Variants in TET3 observed in about 807,000 individuals in gnomAD.
TET3 encodes the protein methylcytosine dioxygenase TET3.
TET3 carries 19 observed loss-of-function variants against 141.4 expected under a neutral mutation model. The observed-to-expected ratio is 0.13, with a 90% confidence interval of 0.09 to 0.20. TET3 has a LOEUF of 0.20. Among genes scored for constraint, TET3 ranks in the 10% least tolerant of loss-of-function variants. The pLI, the probability that TET3 is intolerant of heterozygous loss-of-function variation, is 1.00. For missense variants in TET3, 1,874 were observed against 2,356.9 expected, an observed-to-expected ratio of 0.80 and a Z score of 4.24; for synonymous variants, 1,043 against 980.9, an observed-to-expected ratio of 1.06 and a Z score of -1.18.
chr2:74,109,763 G>T (rs769742697), downstream of TET3, among the ~76,000 whole-genome samples: 4 of 152,088 alleles, frequency 2.6e-5, no homozygotes, highest in African/African-American at 2.4e-5. Flanking sequence ...ATTCATATTG[G>T]GATCTCTAGA....
At chr2:74,042,898 CCTCATAT>C (rs1687414986) in intron 3 of TET3, among the ~76,000 whole-genome samples, 1 of 152,200 alleles carries the variant, frequency 6.6e-6, no homozygotes, top group Non-Finnish European at 1.5e-5. Context: ...GCTTCACTTA[CCTCATAT>C]CTACATCTAC....
chr2:74,101,431 G>A lies in TET3; in HGVS notation c.4643G>A (p.Gly1548Asp). The A allele has an allele frequency of 2.5e-6, 4 of 1,613,958 alleles. No individual in the cohort carries two copies. The highest frequency in any genetic ancestry group is 1.7e-4 in the Middle Eastern group (1 of 6,060). ...GAGDFNSALK[G>D]SPGFQDKLWN... ...GGGGATTTCAACTCGGCCCTGAAAG[G>A]TAGTCCTGGGTTCCAAGACAAGCTG... Residue 1548 changes from glycine to aspartate, a missense_variant, in exon 12 of 12, where the codon GGT becomes GAT. Physicochemically the swap from Gly to Asp is moderately conservative, Grantham distance 94. Coordinates refer to ENST00000409262, the MANE Select transcript of TET3 (RefSeq NM_001287491.2). The surrounding 1 kb of genome is among the most constrained non-coding windows in gnomAD (Gnocchi z 8.5).
chr2:74,092,857 C>G (rs1369150114), intron 8 of TET3, 45 bp from the exon 9 acceptor site: 10 of 1,519,508 alleles, frequency 6.6e-6, no homozygotes, highest in Non-Finnish European at 1.8e-6. Context: ...GCAGGGTCTG[C>G]CAGGCGGGGC....
intron 4 of TET3, among the ~76,000 whole-genome samples, chr2:74,050,045 G>T (rs909912966): frequency 6.6e-6 from 1 of 152,136 alleles, no homozygotes; most frequent in Non-Finnish European, 1.5e-5. Flanking sequence ...TGTCCCATCC[G>T]CCTGTGTTTA....
downstream of TET3, among the ~76,000 whole-genome samples, chr2:74,111,621 G>A (rs1691708188): frequency 6.6e-6 from 1 of 152,214 alleles, no homozygotes; most frequent in Non-Finnish European, 1.5e-5. Flanking sequence ...ATGGACAGAG[G>A]CATGTTGGAC....
At chr2:74,019,658 C>A (rs969496308) in intron 3 of TET3, among the ~76,000 whole-genome samples, 2 of 152,204 alleles carry the variant, frequency 1.3e-5, no homozygotes, top group African/African-American at 4.8e-5. Flanking sequence ...GTGAGCTTCA[C>A]CTCTTCAAAG....
the TET3 span, chr2:74,134,562 A>G: frequency 2.6e-6 from 1 of 385,366 alleles, no homozygotes. Flanking sequence ...GGTCGGTTCC[A>G]TGAAAGGCAA....
chr2:74,028,098 C>G (rs1686473852), intron 3 of TET3, among the ~76,000 whole-genome samples: 1 of 151,868 alleles, frequency 6.6e-6, no homozygotes, highest in South Asian at 2.1e-4. Context: ...ATCCTCCTGC[C>G]TCAGCCTCCC....
At chr2:74,081,633 G>A (rs144832195) in intron 6 of TET3, among the ~76,000 whole-genome samples, 3 of 152,292 alleles carry the variant, frequency 2.0e-5, no homozygotes, top group South Asian at 2.1e-4. Flanking sequence ...GGACAGACCC[G>A]TGGCTGACTG....
chr2:74,066,305 G>A (rs1323144366), intron 4 of TET3, among the ~76,000 whole-genome samples: 2 of 152,022 alleles, frequency 1.3e-5, no homozygotes, highest in Non-Finnish European at 2.9e-5. Flanking sequence ...GATCCTTTAA[G>A]TACCGTATAT....
At chr2:74,084,498 G>T (rs552428044) in intron 6 of TET3, among the ~76,000 whole-genome samples, 4 of 151,750 alleles carry the variant, frequency 2.6e-5, no homozygotes, top group African/African-American at 4.8e-5. Context: ...TGTCGCCCAG[G>T]CTAGAGTGCA....
intron 3 of TET3, among the ~76,000 whole-genome samples, chr2:74,028,298 C>G (rs929726907): frequency 6.6e-6 from 1 of 150,584 alleles, no homozygotes; most frequent in Non-Finnish European, 1.5e-5. Context: ...TTTTTTTTCA[C>G]TTTCTTGATG....
Position 74,046,538 on chromosome 2 carries a change from C to A in TET3, c.621C>A (p.Ala207=), listed in dbSNP as rs1217488419. The A allele has an allele frequency of 1.9e-6, 3 of 1,613,866 alleles. No homozygotes were observed. The highest frequency in any genetic ancestry group is 2.5e-6 in the Non-Finnish European group (3 of 1,179,882). Residue 207 remains alanine, a synonymous_variant, in exon 4 of 12, where the codon GCC becomes GCA. Coordinates refer to ENST00000409262, the MANE Select transcript of TET3 (RefSeq NM_001287491.2). The surrounding 1 kb of genome is among the most constrained non-coding windows in gnomAD (Gnocchi z 4.3). ...AHDLVAFSAV[A]EAVSSYGALS... Reference sequence around the variant, plus strand: ...ATCTGGTGGCCTTTTCGGCTGTGGCCGAAGCTGTGTCCTCTTATGGGGCCC... The same window carrying A: ...ATCTGGTGGCCTTTTCGGCTGTGGCAGAAGCTGTGTCCTCTTATGGGGCCC...
intron 6 of TET3, among the ~76,000 whole-genome samples, chr2:74,081,552 G>C (rs1689824012): frequency 6.6e-6 from 1 of 152,214 alleles, no homozygotes; most frequent in Non-Finnish European, 1.5e-5. Context: ...CCCGTTACTA[G>C]TCAGGCTGAG....
chr2:73,994,640 T>TTCTTTCTTTCTTTC (rs1413583440), intron 2 of TET3, among the ~76,000 whole-genome samples: 1 of 139,550 alleles, frequency 7.2e-6, no homozygotes, highest in African/African-American at 2.8e-5. Context: ...CTTTCTTTCT[T>TTCTTTCTTTCTTTC]TTTTTTTTTT....
intron 2 of TET3, among the ~76,000 whole-genome samples, chr2:73,991,341 T>TG (rs1269950494): frequency 6.6e-6 from 1 of 151,766 alleles, no homozygotes; most frequent in Non-Finnish European, 1.5e-5. Flanking sequence ...CCCAGCACTT[T>TG]GGGAGACCAA....
At chr2:74,066,749 C>A (rs1558763926) in intron 4 of TET3, among the ~76,000 whole-genome samples, 1 of 152,142 alleles carries the variant, frequency 6.6e-6, no homozygotes, top group Non-Finnish European at 1.5e-5. Flanking sequence ...GGTTTTAGAT[C>A]TTCGTATCTT....
At chr2:74,032,189 T>C (rs909336389) in intron 3 of TET3, among the ~76,000 whole-genome samples, 2 of 152,164 alleles carry the variant, frequency 1.3e-5, no homozygotes, top group South Asian at 2.1e-4. Flanking sequence ...GGGGCTTCTT[T>C]AGGGAAAGTA....
chr2:74,111,100 C>T (rs1691693792), downstream of TET3, among the ~76,000 whole-genome samples: 1 of 152,210 alleles, frequency 6.6e-6, no homozygotes, highest in Non-Finnish European at 1.5e-5. Flanking sequence ...AAACCCTCTG[C>T]TCCCGGACTG....
Sources: allele counts gnomAD v4.1 joint callset (sites outside exome capture counted in the v4.1 genomes callset), GRCh38; gene constraint gnomAD v4.1.1; non-coding constraint Gnocchi (gnomAD v3.1); transcripts MANE v1.5; gene names NCBI Gene and HGNC (gene_info 2026-07-23, HGNC 2026-07-21).